The following NAALADL2 variants were observed in gnomAD, a reference collection of about 807,000 sequenced individuals.
NAALADL2 encodes the protein N-acetylated alpha-linked acidic dipeptidase like 2, also known as inactive N-acetylated-alpha-linked acidic dipeptidase-like protein 2.
Under a neutral mutation model 87.2 loss-of-function variants are expected in NAALADL2, and 76 were observed. The observed-to-expected ratio is 0.87, with a 90% CI of 0.72 to 1.05. The LOEUF is 1.05. Among genes scored for constraint, NAALADL2 ranks in the 50% least tolerant of loss-of-function variants. The pLI is 0.00. For missense variants in NAALADL2, 1,089 were observed against 945.8 expected (o/e 1.15, Z -1.99); for synonymous variants, 354 against 331.0 (o/e 1.07, Z -0.75).
At chr3:174,721,563 A>G (rs1731713469) in intron 2 of NAALADL2, among the ~76,000 whole-genome samples, 1 of 152,210 alleles carries the variant, frequency 6.6e-6, no homozygotes, top group South Asian at 2.1e-4. Context: ...TCTTAATAAA[A>G]TAACGTTTGT....
chr3:174,964,805 T>C (rs1742630720), intron 1 of NAALADL2, among the ~76,000 whole-genome samples: 1 of 151,804 alleles, frequency 6.6e-6, no homozygotes, highest in Non-Finnish European at 1.5e-5. Context: ...GATACTGTTC[T>C]ATGTGCTTAA....
At chr3:175,181,695 A>G (rs199849230) in intron 2 of NAALADL2, among the ~76,000 whole-genome samples, 15,117 of 50,698 alleles carry the variant, frequency 0.3, 2,608 homozygotes, top group Non-Finnish European at 0.32. Context: ...ATATATATAT[A>G]TATATATATG....
chr3:175,229,847 T>A (rs1744688601), intron 2 of NAALADL2, among the ~76,000 whole-genome samples: 1 of 152,006 alleles, frequency 6.6e-6, no homozygotes, highest in South Asian at 2.1e-4. Context: ...GTGAGCTCAT[T>A]CCAATATTCA....
intron 2 of NAALADL2, among the ~76,000 whole-genome samples, chr3:174,598,959 G>A (rs1718185377): frequency 6.6e-6 from 1 of 152,146 alleles, no homozygotes; most frequent in Admixed American, 6.5e-5. Context: ...ACAATATGCA[G>A]ATGTATGGTA....
chr3:175,224,360 C>T (rs367711317), intron 2 of NAALADL2, among the ~76,000 whole-genome samples: 3 of 152,038 alleles, frequency 2.0e-5, no homozygotes, highest in African/African-American at 7.2e-5. Context: ...AGCCCGAACC[C>T]CTGTGAAATG....
chr3:174,698,319 T>G (rs1197451204), intron 2 of NAALADL2, among the ~76,000 whole-genome samples: 1 of 152,100 alleles, frequency 6.6e-6, no homozygotes, highest in Non-Finnish European at 1.5e-5. Context: ...TTTTATCTGA[T>G]GCTGTTTTAA....
chr3:175,495,094 T>TATA (rs1167550415), intron 9 of NAALADL2, among the ~76,000 whole-genome samples: 3,519 of 133,200 alleles, frequency 0.026, 146 homozygotes, highest in African/African-American at 0.083. Flanking sequence ...ATATATATAT[T>TATA]TTTTTTTAAT....
At chr3:174,773,042 G>A (rs921562317) in intron 3 of NAALADL2, among the ~76,000 whole-genome samples, 2 of 152,160 alleles carry the variant, frequency 1.3e-5, no homozygotes, top group Non-Finnish European at 2.9e-5. Flanking sequence ...CAAAAATAAT[G>A]CTGAGACACA....
At chr3:174,453,253 CA>C (rs1020323495) in intron 1 of NAALADL2, among the ~76,000 whole-genome samples, 1 of 151,920 alleles carries the variant, frequency 6.6e-6, no homozygotes, top group Admixed American at 6.6e-5. Context: ...TGAAAAAGAA[CA>C]AAAAAACCCT....
chr3:175,139,288 T>A (rs1478599682), intron 2 of NAALADL2, among the ~76,000 whole-genome samples: 5 of 151,962 alleles, frequency 3.3e-5, no homozygotes, highest in Non-Finnish European at 7.4e-5. Context: ...AAAAATAAAA[T>A]GTGGCATTGG....
At chr3:175,067,890 CATGAAATA>C (rs1714836702) in intron 1 of NAALADL2, among the ~76,000 whole-genome samples, 1 of 151,962 alleles carries the variant, frequency 6.6e-6, no homozygotes. Flanking sequence ...ATATATACAC[CATGAAATA>C]CAATGCAGCT....
chr3:175,149,684 G>C (rs1181735575), intron 2 of NAALADL2, among the ~76,000 whole-genome samples: 1 of 152,118 alleles, frequency 6.6e-6, no homozygotes, highest in African/African-American at 2.4e-5. Flanking sequence ...AAATTTTAGA[G>C]TTTTTGTTCC....
intron 11 of NAALADL2, among the ~76,000 whole-genome samples, chr3:175,639,779 C>A (rs142955464): frequency 6.6e-6 from 1 of 152,132 alleles, no homozygotes; most frequent in Non-Finnish European, 1.5e-5. Flanking sequence ...ACATTTTCTA[C>A]GGTTACAGTG....
chr3:175,063,292 C>T (rs1713897831), intron 1 of NAALADL2, among the ~76,000 whole-genome samples: 1 of 151,924 alleles, frequency 6.6e-6, no homozygotes, highest in African/African-American at 2.4e-5. Context: ...AAAAATTAAA[C>T]AATTGATTTG....
At position 175,595,497 on chromosome 3, in the gene NAALADL2, G is replaced by A. The variant is rs139639896; in HGVS notation, c.1800+19310G>A. 3.4e-3 allele frequency among the ~76,000 whole-genome samples: 520 copies of A among 152,096 alleles called. 2 individuals are homozygous for A. The highest frequency in any genetic ancestry group is 0.012 in the African/African-American group (491 of 41,512). ...CTTGAAAAACCCTAAATACTCCACC[G>A]AAAGGCTGCTAGAACTGATAAACAA... On this transcript the variant is annotated intron_variant, in intron 10 of 13. Coordinates refer to ENST00000454872, the MANE Select transcript of NAALADL2 (RefSeq NM_207015.3).
At chr3:175,326,662 C>T (rs920406588) in intron 5 of NAALADL2, among the ~76,000 whole-genome samples, 11 of 152,136 alleles carry the variant, frequency 7.2e-5, no homozygotes, top group African/African-American at 2.7e-4. Context: ...TCAAGGGGCT[C>T]ACATCTGGCA....
intron 1 of NAALADL2, among the ~76,000 whole-genome samples, chr3:174,517,958 C>CA (rs1462522525): frequency 6.6e-6 from 1 of 152,004 alleles, no homozygotes; most frequent in African/African-American, 2.4e-5. Context: ...CCTGTAGAGG[C>CA]AATGTAGGTG....
At chr3:175,646,952 A>C (rs57694222) in intron 11 of NAALADL2, among the ~76,000 whole-genome samples, 1,542 of 152,254 alleles carry the variant, frequency 0.01, 26 homozygotes, top group African/African-American at 0.035. Context: ...CAGTAACGAA[A>C]AAATTCTTAC....
At chr3:174,717,571 G>A (rs544751223) in intron 2 of NAALADL2, among the ~76,000 whole-genome samples, 1 of 152,154 alleles carries the variant, frequency 6.6e-6, no homozygotes, top group South Asian at 2.1e-4. Context: ...ATGACAAAAG[G>A]TGCCTAAGAT....
Sources: allele counts gnomAD v4.1 joint callset (sites outside exome capture counted in the v4.1 genomes callset), GRCh38; gene constraint gnomAD v4.1.1; transcripts MANE v1.5; gene names NCBI Gene and HGNC (gene_info 2026-07-23, HGNC 2026-07-21).